CLVS1: variants seen among roughly 807,000 people sequenced by gnomAD.
CLVS1 encodes the protein clavesin 1.
In CLVS1, 10 loss-of-function variants were observed where a neutral mutation model predicts 33.1. That is an observed-to-expected ratio of 0.30 (90% CI 0.19 to 0.51). The LOEUF is 0.51. Ranked by LOEUF, CLVS1 falls within the 20% of genes least tolerant of loss-of-function variation. The pLI is 0.97. For synonymous variants in CLVS1, 163 were observed against 166.1 expected, an observed-to-expected ratio of 0.98 and a Z score of 0.14; for missense variants, 343 against 433.4, an observed-to-expected ratio of 0.79 and a Z score of 1.85.
At chr8:61,453,242 A>G (rs1051332494) in intron 3 of CLVS1, among the ~76,000 whole-genome samples, 2 of 152,014 alleles carry the variant, frequency 1.3e-5, no homozygotes, top group Non-Finnish European at 2.9e-5. Flanking sequence ...GAAGCCATTC[A>G]TTGGGAGATC....
At chr8:61,260,061 T>C (rs1809167881) in intron 2 of CLVS1, among the ~76,000 whole-genome samples, 4 of 152,212 alleles carry the variant, frequency 2.6e-5, no homozygotes. Flanking sequence ...CCCTTTGCTT[T>C]CAGTTTAAAT....
chr8:60,976,708 C>A, the CLVS1 span, among the ~76,000 whole-genome samples: 1 of 152,248 alleles, frequency 6.6e-6, no homozygotes, highest in Non-Finnish European at 1.5e-5. Flanking sequence ...AAGAGACTGG[C>A]AATTTTCAGT....
chr8:61,085,851 A>C (rs1194282050), intron 1 of CLVS1, among the ~76,000 whole-genome samples: 1 of 151,488 alleles, frequency 6.6e-6, no homozygotes. Context: ...GTGAAACCCC[A>C]CCTCTACTAA....
intron 3 of CLVS1, among the ~76,000 whole-genome samples, chr8:61,446,069 T>C (rs1249896582): frequency 6.6e-6 from 1 of 152,196 alleles, no homozygotes; most frequent in African/African-American, 2.4e-5. Flanking sequence ...TCAAACTTGC[T>C]AATAGTTTGT....
At chr8:61,033,123 AAAG>A in the CLVS1 span, among the ~76,000 whole-genome samples, 8 of 75,198 alleles carry the variant, frequency 1.1e-4, no homozygotes, top group South Asian at 4.6e-4. Context: ...AGGAAGGAAG[AAAG>A]GAAAGAAAGA....
intron 3 of CLVS1, among the ~76,000 whole-genome samples, chr8:61,446,108 G>A (rs1254941083): frequency 6.6e-6 from 1 of 151,906 alleles, no homozygotes; most frequent in Non-Finnish European, 1.5e-5. Context: ...CAATGAATCA[G>A]CTCTTTGTTT....
chr8:61,171,028 T>G (rs996609721), intron 2 of CLVS1, among the ~76,000 whole-genome samples: 1 of 152,210 alleles, frequency 6.6e-6, no homozygotes, highest in Admixed American at 6.5e-5. Context: ...TAGTAGGTTT[T>G]TTTTTCTTTT....
chr8:61,040,012 A>T, the CLVS1 span, among the ~76,000 whole-genome samples: 1 of 152,180 alleles, frequency 6.6e-6, no homozygotes, highest in Non-Finnish European at 1.5e-5. Flanking sequence ...TCCTTCTAGT[A>T]GTCCTCAGTG....
chr8:61,429,981 C>T (rs890102276), intron 3 of CLVS1, among the ~76,000 whole-genome samples: 5 of 152,182 alleles, frequency 3.3e-5, no homozygotes, highest in Non-Finnish European at 7.3e-5. Flanking sequence ...TTAGCATGAG[C>T]TGCTGTTTTC....
At chr8:61,040,546 G>A in the CLVS1 span, among the ~76,000 whole-genome samples, 32 of 152,270 alleles carry the variant, frequency 2.1e-4, no homozygotes, top group East Asian at 5.6e-3. Flanking sequence ...GGTGTGAGAT[G>A]GTATCTCATT....
chr8:61,415,918 G>C (rs1019981583), intron 3 of CLVS1, among the ~76,000 whole-genome samples: 2 of 152,148 alleles, frequency 1.3e-5, no homozygotes, highest in Admixed American at 1.3e-4. Flanking sequence ...CTAACAAAAA[G>C]TTTGGAGACC....
intron 3 of CLVS1, among the ~76,000 whole-genome samples, chr8:61,406,307 G>A (rs948817934): frequency 1.4e-4 from 21 of 152,064 alleles, no homozygotes; most frequent in Non-Finnish European, 2.4e-4. Flanking sequence ...AACAATACCT[G>A]TCAGAACAGA....
At chr8:61,304,106 A>C (rs958138870) in intron 2 of CLVS1, among the ~76,000 whole-genome samples, 1 of 152,234 alleles carries the variant, frequency 6.6e-6, no homozygotes, top group Non-Finnish European at 1.5e-5. Context: ...ACAGCTTTGC[A>C]AGGAAATGAC....
chr8:61,388,765 T>C (rs998470011), intron 3 of CLVS1, among the ~76,000 whole-genome samples: 1 of 152,216 alleles, frequency 6.6e-6, no homozygotes, highest in Non-Finnish European at 1.5e-5. Context: ...GTCATTTCTT[T>C]GTGTTGGGAA....
At chr8:60,973,902 G>C in the CLVS1 span, among the ~76,000 whole-genome samples, 2 of 152,140 alleles carry the variant, frequency 1.3e-5, no homozygotes, top group African/African-American at 4.8e-5. Flanking sequence ...GCCCTCTCCT[G>C]TCCTGTTCAT....
At chr8:61,215,827 A>T (rs777980401) in intron 2 of CLVS1, among the ~76,000 whole-genome samples, 2 of 152,076 alleles carry the variant, frequency 1.3e-5, no homozygotes, top group Non-Finnish European at 2.9e-5. Context: ...GTTGTTTTCC[A>T]GACCGAGTGC....
intron 1 of CLVS1, among the ~76,000 whole-genome samples, chr8:61,293,057 A>G (rs1279276394): frequency 6.6e-6 from 1 of 152,172 alleles, no homozygotes; most frequent in Non-Finnish European, 1.5e-5. Context: ...AAATGGGAGC[A>G]AATGATTGTG....
In CLVS1 at chr8:61,163,103, T is replaced by C. The variant is rs534222101; in HGVS notation, c.-152+31243T>C. Among the ~76,000 whole-genome samples the C allele has an allele frequency of 1.6e-4, 25 of 152,312 alleles. No individual in the cohort carries two copies. In the South Asian group the frequency reaches 5.2e-3, roughly 32 times the overall value. The stretch of plus-strand genomic sequence containing the variant: ...CCCCAGAAAACCCTGCCTGGACTCA[T>C]AGGTTGGTGAGTCTGTGACTGAAGG... On this transcript the variant is annotated intron_variant, in intron 2 of 2. Coordinates refer to the CLVS1 transcript ENST00000522621.
chr8:60,996,025 G>C, the CLVS1 span, among the ~76,000 whole-genome samples: 1 of 152,148 alleles, frequency 6.6e-6, no homozygotes, highest in African/African-American at 2.4e-5. Context: ...AGTGGGGGTA[G>C]GGGGGAGGGA....
Sources: gnomAD v4.1 joint callset for allele counts (sites outside exome capture counted in the v4.1 genomes callset) on GRCh38, gnomAD v4.1.1 for gene constraint, MANE v1.5 for transcripts, NCBI Gene and HGNC (gene_info 2026-07-23, HGNC 2026-07-21) for gene names.